The following FRMD4A variants were observed in gnomAD, a reference collection of about 807,000 sequenced individuals.
FRMD4A encodes FERM domain containing 4A.
Under a neutral mutation model 129.1 loss-of-function variants are expected in FRMD4A, and 29 were observed. The ratio of observed to expected loss-of-function variants is 0.22; its 90% CI spans 0.17 to 0.31. The LOEUF is 0.31. Ranked by LOEUF, FRMD4A falls within the 10% of genes least tolerant of loss-of-function variation. FRMD4A has a pLI of 1.00. For synonymous variants in FRMD4A, 634 were observed against 571.6 expected (o/e 1.11, Z -1.56); for missense variants, 1,272 against 1,375.8 (o/e 0.92, Z 1.19).
chr10:14,094,049 A>G (rs1375869409), intron 2 of FRMD4A, among the ~76,000 whole-genome samples: 1 of 152,232 alleles, frequency 6.6e-6, no homozygotes, highest in Non-Finnish European at 1.5e-5. Flanking sequence ...GGCAAGGACA[A>G]TGAAATTCGA....
chr10:13,872,299 G>T (rs2094446910), intron 2 of FRMD4A, among the ~76,000 whole-genome samples: 1 of 152,222 alleles, frequency 6.6e-6, no homozygotes, highest in Non-Finnish European at 1.5e-5. Flanking sequence ...GACTGAGCAA[G>T]TGCCAGGCCT....
intron 2 of FRMD4A, among the ~76,000 whole-genome samples, chr10:13,872,959 T>C (rs2094453517): frequency 6.6e-6 from 1 of 152,082 alleles, no homozygotes; most frequent in South Asian, 2.1e-4. Flanking sequence ...GCAGATCAGC[T>C]GAGGCCAGGA....
chr10:14,087,695 C>T (rs1475647979), intron 2 of FRMD4A: 1 of 152,090 alleles, frequency 6.6e-6, no homozygotes, highest in Non-Finnish European at 1.5e-5. Context: ...GTCAGTTTAC[C>T]TTTGTGAGAA....
intron 6 of FRMD4A, among the ~76,000 whole-genome samples, chr10:13,769,910 C>A (rs1156254515): frequency 6.6e-6 from 1 of 152,160 alleles, no homozygotes; most frequent in African/African-American, 2.4e-5. Flanking sequence ...TTGGACTCAG[C>A]CAGTGGACTG....
chr10:13,701,442 G>C lies in FRMD4A; in HGVS notation c.873C>G (p.Gly291=). The change falls in exon 14 of 25, where the codon GGC becomes GGG. Residue 291 remains glycine, a synonymous_variant. Coordinates refer to ENST00000357447, the MANE Select transcript of FRMD4A (RefSeq NM_018027.5). ...SVTRRTFGHS[G]IAVHTWYACP... ...ATGCATACCACGTGTGCACTGCAAT[G>C]CCGCTGTGCCCAAACGTCCTCCTTG... is the stretch of plus-strand genomic sequence containing the variant. 2 of 1,613,618 alleles carry C rather than the reference G, an allele frequency of 1.2e-6. No homozygotes were observed. The highest frequency in any genetic ancestry group is 8.5e-7 in the Non-Finnish European group (1 of 1,179,560).
At chr10:13,794,391 CAAAAAAAA>C (rs5783349) in intron 5 of FRMD4A, among the ~76,000 whole-genome samples, 2 of 102,938 alleles carry the variant, frequency 1.9e-5, no homozygotes, top group Middle Eastern at 5.7e-3. Flanking sequence ...GAATCCGTCT[CAAAAAAAA>C]AAAAAAAAAA....
At chr10:13,839,323 AGG>A (rs1471142181) in intron 3 of FRMD4A, among the ~76,000 whole-genome samples, 1 of 152,124 alleles carries the variant, frequency 6.6e-6, no homozygotes, top group Non-Finnish European at 1.5e-5. Context: ...CCATTTCTAA[AGG>A]CATTTTGGGA....
At chr10:13,893,371 A>AT (rs997328361) in intron 2 of FRMD4A, among the ~76,000 whole-genome samples, 2 of 152,030 alleles carry the variant, frequency 1.3e-5, no homozygotes, top group African/African-American at 4.8e-5. Flanking sequence ...GCAAAACCCC[A>AT]TTTTTTGATA....
At chr10:14,048,289 C>A (rs1412828432) in intron 2 of FRMD4A, among the ~76,000 whole-genome samples, 1 of 152,162 alleles carries the variant, frequency 6.6e-6, no homozygotes, top group Non-Finnish European at 1.5e-5. Flanking sequence ...GACCGGGAAG[C>A]AGGAACTTTG....
In FRMD4A at chr10:14,247,476, G is replaced by A. The variant is rs981264473; in HGVS notation, c.45+82582C>T. On this transcript the variant is annotated intron_variant, in intron 2 of 24. Coordinates refer to ENST00000357447, the MANE Select transcript of FRMD4A (RefSeq NM_018027.5). ...TTTCCTTTTTCTGCTAAACTAGGTAGGTTAACATACAGATAGGCCTCTCTC... is the reference window on the plus strand; with the variant it reads ...TTTCCTTTTTCTGCTAAACTAGGTAAGTTAACATACAGATAGGCCTCTCTC... Among the ~76,000 whole-genome samples the A allele has an allele frequency of 3.3e-5, 5 of 152,076 alleles. No individual in the cohort carries two copies. The East Asian group carries it at 7.7e-4, about 23-fold the overall frequency.
rs1844281247 is a variant in FRMD4A, at chr10:14,247,434, C to A, written c.45+82624G>T. 2.0e-5 allele frequency among the ~76,000 whole-genome samples: 3 copies of A among 152,292 alleles called. No homozygotes were observed. The South Asian group carries it at 6.2e-4, about 32-fold the overall frequency. Reference sequence around the variant, plus strand: ...GCACCTGTCAAAAGAAATAAGATCACATTAAAATTCTTGCCATTTCCTTTT... The same window carrying A: ...GCACCTGTCAAAAGAAATAAGATCAAATTAAAATTCTTGCCATTTCCTTTT... On this transcript the variant is annotated intron_variant, in intron 2 of 24. Coordinates refer to ENST00000357447, the MANE Select transcript of FRMD4A (RefSeq NM_018027.5).
chr10:14,062,213 G>T (rs1055243094), intron 2 of FRMD4A, among the ~76,000 whole-genome samples: 1 of 152,188 alleles, frequency 6.6e-6, no homozygotes, highest in African/African-American at 2.4e-5. Flanking sequence ...AATAAGATGT[G>T]ATATGGATTA....
At position 13,657,277 on chromosome 10, in the gene FRMD4A, A is replaced by T. The variant is rs1326164022; in HGVS notation, c.2312T>A (p.Leu771Gln). The change falls in exon 22 of 25, where the codon CTG (leucine) becomes CAG (glutamine). Residue 771 changes from leucine (L) to glutamine (Q), a missense_variant. By Grantham distance (113) the Leu-to-Gln change is moderately radical. This residue lies in a region of FRMD4A where 972 missense variants were observed against 892.3 expected (regional missense o/e 1.09). Coordinates refer to ENST00000357447, the MANE Select transcript of FRMD4A (RefSeq NM_018027.5). Reference sequence around the variant, plus strand: ...CGCCTTGGACGGCGAGTCCTCGGCCAGCGTGGAGTAGTTGGCGTTCATCTG... The same window carrying T: ...CGCCTTGGACGGCGAGTCCTCGGCCTGCGTGGAGTAGTTGGCGTTCATCTG... ...PAQMNANYST[L>Q]AEDSPSKARQ... is the part of the protein sequence containing the mutation. The T allele has an allele frequency of 6.2e-7, 1 of 1,605,608 alleles. No homozygotes were observed. The highest frequency in any genetic ancestry group is 8.5e-7 in the Non-Finnish European group (1 of 1,178,288).
At chr10:13,965,846 A>C (rs1364796734) in intron 2 of FRMD4A, among the ~76,000 whole-genome samples, 2 of 152,228 alleles carry the variant, frequency 1.3e-5, no homozygotes, top group African/African-American at 4.8e-5. Context: ...TGAAGAAGAG[A>C]TCAAAGACCA....
intron 2 of FRMD4A, among the ~76,000 whole-genome samples, chr10:13,951,930 A>AATAAT (rs1386531993): frequency 1.9e-5 from 2 of 104,260 alleles, no homozygotes; most frequent in South Asian, 2.7e-4. Flanking sequence ...TAATAATAAT[A>AATAAT]AACAATCTAA....
chr10:14,191,051 G>A (rs993041925), intron 2 of FRMD4A, among the ~76,000 whole-genome samples: 1 of 152,182 alleles, frequency 6.6e-6, no homozygotes, highest in Non-Finnish European at 1.5e-5. Flanking sequence ...TATCTCACAG[G>A]TGGAGAGAGT....
chr10:14,047,786 G>T (rs1834052165), intron 2 of FRMD4A, among the ~76,000 whole-genome samples: 1 of 152,218 alleles, frequency 6.6e-6, no homozygotes, highest in Non-Finnish European at 1.5e-5. Flanking sequence ...TAACCCCAGT[G>T]AGTGGCAAAG....
intron 12 of FRMD4A, among the ~76,000 whole-genome samples, chr10:13,718,219 T>C (rs1412081778): frequency 6.6e-6 from 1 of 152,216 alleles, no homozygotes; most frequent in Non-Finnish European, 1.5e-5. Flanking sequence ...GCTCCCCTGG[T>C]TGGAAGGTGC....
intron 2 of FRMD4A, among the ~76,000 whole-genome samples, chr10:14,204,861 T>C (rs941703647): frequency 3.9e-5 from 6 of 151,950 alleles, no homozygotes; most frequent in African/African-American, 1.5e-4. Context: ...AAATCAAGCC[T>C]ATTGAACGCG....
Sources: allele counts gnomAD v4.1 joint callset (sites outside exome capture counted in the v4.1 genomes callset), GRCh38; gene constraint gnomAD v4.1.1; regional missense constraint gnomAD v4.1.1; transcripts MANE v1.5; gene names NCBI Gene and HGNC (gene_info 2026-07-23, HGNC 2026-07-21).